ASMT: variants seen among roughly 807,000 people sequenced by gnomAD.
ASMT encodes acetylserotonin O-methyltransferase.
In ASMT, 53 loss-of-function variants were observed where a neutral mutation model predicts 41.3. The observed-to-expected ratio is 1.28, with a 90% CI of 1.03 to 1.61. The LOEUF (loss-of-function observed/expected upper bound fraction) is 1.61. Among genes scored for constraint, ASMT ranks in the 40% most tolerant of loss-of-function variants. ASMT has a pLI of 0.00. For missense variants in ASMT, 531 were observed against 441.3 expected (o/e 1.20, Z -1.82); for synonymous variants, 231 against 184.8 (o/e 1.25, Z -2.03).
chrX:1,641,328 A>C (rs867684595), intron 8 of ASMT, among the ~76,000 whole-genome samples: 14 of 41,058 alleles, frequency 3.4e-4, no homozygotes, highest in South Asian at 8.4e-4. Context: ...CATCCTGATG[A>C]TCCATTAGGA....
At chrX:1,636,361 C>G (rs757213708) in intron 7 of ASMT, 77 bp from the exon 8 acceptor site, 18 of 1,611,036 alleles carry the variant, frequency 1.1e-5, no homozygotes, top group Admixed American at 5.0e-5. Flanking sequence ...TCCAGGTGAC[C>G]TTTTGTGCCC....
At chrX:1,629,680 C>T in intron 4 of ASMT, 141 bp from the exon 5 acceptor site, 1 of 835,514 alleles carries the variant, frequency 1.2e-6, no homozygotes, top group South Asian at 1.3e-5. Context: ...CGAATGACTT[C>T]CTGTTCCATT....
At chrX:1,631,379 C>T (rs60234639) in intron 5 of ASMT, among the ~76,000 whole-genome samples, 2,395 of 151,598 alleles carry the variant, frequency 0.016, no homozygotes, top group African/African-American at 0.048. Flanking sequence ...ATACAAATCC[C>T]CAACCCCGAG....
At chrX:1,631,645 T>C (rs1242741010) in intron 5 of ASMT, among the ~76,000 whole-genome samples, 1 of 152,076 alleles carries the variant, frequency 6.6e-6, no homozygotes, top group Non-Finnish European at 1.5e-5. Context: ...CCGGGCGCGG[T>C]GGCTCACTCC....
intron 5 of ASMT, among the ~76,000 whole-genome samples, chrX:1,630,846 C>T (rs1326564185): frequency 6.6e-6 from 1 of 151,760 alleles, no homozygotes; most frequent in African/African-American, 2.4e-5. Context: ...GCGCCCGCCA[C>T]CACACCCAGG....
At chrX:1,618,010 C>T (rs755106212) in intron 1 of ASMT, among the ~76,000 whole-genome samples, 2 of 151,988 alleles carry the variant, frequency 1.3e-5, no homozygotes, top group African/African-American at 2.4e-5. Context: ...TACCTCTAGG[C>T]CCCCAAGGGT....
rs756044674 is a variant in ASMT, at chrX:1,642,103, G to A, written c.911-700G>A. ...GTGGGCACAGCCTCTGTGTGTGTGTGTGTGATGGGGACGGTGTCCCAGTTC... is the reference window on the plus strand; with the variant it reads ...GTGGGCACAGCCTCTGTGTGTGTGTATGTGATGGGGACGGTGTCCCAGTTC... On this transcript the variant is annotated intron_variant, in intron 8 of 8. Transcript: ENST00000381241. Among the ~76,000 whole-genome samples, 25 of 138,596 alleles carry A rather than the reference G, an allele frequency of 1.8e-4. 1 individual carries two copies. The South Asian group carries it at 3.0e-3, about 17-fold the overall frequency. The allele number at this position is 138,596 out of a possible 152,430, so 90.9% of individuals were successfully genotyped here.
chrX:1,630,958 T>G (rs1934752965), intron 5 of ASMT, among the ~76,000 whole-genome samples: 1 of 149,980 alleles, frequency 6.7e-6, no homozygotes, highest in Non-Finnish European at 1.5e-5. Context: ...TCACCCAGGC[T>G]GGAATGCAGT....
At chrX:1,617,193 G>A (rs1403572364) in intron 1 of ASMT, among the ~76,000 whole-genome samples, 2 of 151,768 alleles carry the variant, frequency 1.3e-5, no homozygotes, top group East Asian at 3.9e-4. Flanking sequence ...AAACGGCAGG[G>A]CGCGGTGGCT....
At chrX:1,622,998 CAAAAA>C in intron 1 of ASMT, 136 bp from the exon 2 acceptor site, 1 of 589,502 alleles carries the variant, frequency 1.7e-6, no homozygotes, top group Non-Finnish European at 2.8e-6. Context: ...GACTCTGTCT[CAAAAA>C]AAAAAATAAA....
At chrX:1,628,569 C>A (rs1169802796) in intron 4 of ASMT, among the ~76,000 whole-genome samples, 1 of 149,986 alleles carries the variant, frequency 6.7e-6, no homozygotes, top group Non-Finnish European at 1.5e-5. Context: ...GGTTCGCCTG[C>A]CCCCCAACCT....
chrX:1,628,234 C>T (rs762725988), intron 4 of ASMT, among the ~76,000 whole-genome samples: 17 of 152,234 alleles, frequency 1.1e-4, no homozygotes, highest in African/African-American at 1.9e-4. Context: ...GGCAGGAGAA[C>T]TGCTTGAACC....
chrX:1,620,889 A>G (rs1215855222), intron 1 of ASMT, among the ~76,000 whole-genome samples: 1 of 151,600 alleles, frequency 6.6e-6, no homozygotes, highest in African/African-American at 2.4e-5. Flanking sequence ...CTCTGTCTCA[A>G]AAAAATAATG....
At position 1,617,003 on chromosome X, in the gene ASMT, T is replaced by C. The variant is rs769172976; in HGVS notation, c.69+1735T>C. Among the ~76,000 whole-genome samples, 1,369 of 151,958 alleles carry C rather than the reference T, an allele frequency of 9.0e-3. 8 individuals are homozygous for C. Among genetic ancestry groups the C allele is most frequent in the Non-Finnish European group, 0.015 (1,041 of 67,940 alleles). ...GATTACAGGCGTGAGCCACTGTGCC[T>C]GGCCAAAAATATTTTAAAAATTAGC... is the stretch of plus-strand genomic sequence containing the variant. On this transcript the variant is annotated intron_variant, in intron 1 of 8. Transcript: ENST00000381241.
Position 1,618,081 on chromosome X carries a change from C to T in ASMT, c.69+2813C>T, listed in dbSNP as rs186537460. ...GCGGCCTCCGCCTACGGGGTTCAAGCGATTCTCCTGCCTCAGCCTCCTGAG... is the reference window on the plus strand; with the variant it reads ...GCGGCCTCCGCCTACGGGGTTCAAGTGATTCTCCTGCCTCAGCCTCCTGAG... On this transcript the variant is annotated intron_variant, in intron 1 of 8. Coordinates refer to ENST00000381241, the MANE Select transcript of ASMT (RefSeq NM_001171038.2). 4.6e-5 allele frequency among the ~76,000 whole-genome samples: 7 copies of T among 152,156 alleles called. No individual in the cohort carries two copies. In the South Asian group the frequency reaches 6.2e-4, roughly 13 times the overall value.
Position 1,633,784 on chromosome X carries a change from A to G in ASMT, c.787+494A>G, listed in dbSNP as rs773945621. Among the ~76,000 whole-genome samples, 71 of 151,910 alleles carry G rather than the reference A, an allele frequency of 4.7e-4. No homozygotes were observed. The East Asian group carries it at 9.1e-3, about 20-fold the overall frequency. On this transcript the variant is annotated intron_variant, in intron 7 of 8. Transcript: ENST00000381241. ...CTCCCAAGTAGCTGGGACTACAGGCACCCACCACCACACCTGGCTAATCTT... is the reference window on the plus strand; with the variant it reads ...CTCCCAAGTAGCTGGGACTACAGGCGCCCACCACCACACCTGGCTAATCTT...
chrX:1,627,710 A>G lies in ASMT; in HGVS notation c.382A>G (p.Arg128Gly). 1.2e-6 allele frequency: 2 copies of G among 1,613,738 alleles called. No individual in the cohort carries two copies. The highest frequency in any genetic ancestry group is 1.7e-6 in the Non-Finnish European group (2 of 1,179,640). The change falls in exon 4 of 9, where the codon AGG (arginine) becomes GGG (glycine). Residue 128 changes from arginine (R) to glycine (G), a missense_variant. Arg to Gly is a moderately radical substitution (Grantham distance 125). Transcript: ENST00000381241. ...TTCTCTCTCTTTTCTTAGAGAAGGA[A>G]GGAACCAGTACCTGGAGACGTTTGG... ...GHLADAVREG[R>G]NQYLETFGVP...
At chrX:1,616,235 G>T (rs1251966408) in intron 1 of ASMT, among the ~76,000 whole-genome samples, 3 of 151,410 alleles carry the variant, frequency 2.0e-5, no homozygotes, top group Non-Finnish European at 4.4e-5. Flanking sequence ...CACCATGTTG[G>T]CCAGGCTGGT....
At position 1,629,957 on chromosome X, in the gene ASMT, C is replaced by G. The variant is rs374247698; in HGVS notation, c.562+18C>G. On this transcript the variant is annotated intron_variant, in intron 5 of 8. Coordinates refer to ENST00000381241, the MANE Select transcript of ASMT (RefSeq NM_001171038.2). ...CCTTGGTGGTAAGTACCCCTCACCA[C>G]TAATACCTCGGAGGTGTGGCTTCTG... is the stretch of plus-strand genomic sequence containing the variant. 4.4e-6 allele frequency: 7 copies of G among 1,589,398 alleles called. No individual in the cohort carries two copies. Among genetic ancestry groups the G allele is most frequent in the Non-Finnish European group, 6.0e-6 (7 of 1,157,534 alleles).
Sources: allele counts gnomAD v4.1 joint callset (sites outside exome capture counted in the v4.1 genomes callset), GRCh38; gene constraint gnomAD v4.1.1; transcripts MANE v1.5; gene names NCBI Gene and HGNC (gene_info 2026-07-23, HGNC 2026-07-21).